KIAA1671: variants seen among roughly 807,000 people sequenced by gnomAD.
KIAA1671 encodes the protein KIAA1671, also known as uncharacterized protein KIAA1671.
KIAA1671 carries 52 observed loss-of-function variants against 131.2 expected under a neutral mutation model. That is an observed-to-expected ratio of 0.40 (90% CI 0.32 to 0.50). The LOEUF (loss-of-function observed/expected upper bound fraction) is 0.50. Ranked by LOEUF, KIAA1671 falls within the 20% of genes least tolerant of loss-of-function variation. KIAA1671 has a pLI of 0.73. For missense variants in KIAA1671, 2,360 were observed against 2,364.2 expected (o/e 1.00, Z 0.04); for synonymous variants, 1,003 against 961.6 (o/e 1.04, Z -0.80).
chr22:24,955,540 C>T (rs1425696040), intron 1 of KIAA1671, among the ~76,000 whole-genome samples: 1 of 152,148 alleles, frequency 6.6e-6, no homozygotes, highest in Non-Finnish European at 1.5e-5. Context: ...GGGGCCAGGC[C>T]AGCCATGCTT....
chr22:24,958,032 G>A (rs950550455), intron 1 of KIAA1671, among the ~76,000 whole-genome samples: 33 of 141,382 alleles, frequency 2.3e-4, no homozygotes, highest in African/African-American at 7.8e-4. Flanking sequence ...TGAGACCCTC[G>A]ACTTTACAGT....
chr22:25,025,589 TGCC>T (rs1925907001), intron 1 of KIAA1671, 41 bp from the exon 2 acceptor site: 1 of 152,264 alleles, frequency 6.6e-6, no homozygotes, highest in Non-Finnish European at 1.5e-5. Flanking sequence ...GTTCCCATAC[TGCC>T]AGAACTCCGG....
intron 10 of KIAA1671, among the ~76,000 whole-genome samples, chr22:25,182,561 T>C (rs1270833426): frequency 6.6e-6 from 1 of 152,220 alleles, no homozygotes; most frequent in Non-Finnish European, 1.5e-5. Context: ...GTATTTCACA[T>C]GACCATAGCA....
Position 25,028,433 on chromosome 22 carries a change from T to G in KIAA1671, c.434T>G (p.Ile145Ser). Reference protein sequence around the residue: ...VFLRPSSSTMILFETTKSGPA... With the variant: ...VFLRPSSSTMSLFETTKSGPA... ...CTGCGGCCCAGCTCCAGCACCATGA[T>G]TCTCTTCGAAACCACCAAAAGCGGC... Residue 145 changes from isoleucine (I) to serine (S), a missense_variant, in exon 3 of 13, where the codon ATT (isoleucine) becomes AGT (serine). Physicochemically the swap from Ile to Ser is moderately radical, Grantham distance 142. Around this residue, in one of 3 missense-constraint regions of KIAA1671, gnomAD observed 1,185 missense variants for 1,126.2 expected, o/e 1.05. Coordinates refer to ENST00000358431, the MANE Select transcript of KIAA1671 (RefSeq NM_001145206.2). 6.4e-7 allele frequency: 1 copy of G among 1,550,966 alleles called. No individual in the cohort carries two copies. The highest frequency in any genetic ancestry group is 8.7e-7 in the Non-Finnish European group (1 of 1,146,790).
In KIAA1671 at chr22:25,158,123, C is replaced by T. The variant is rs565049438; in HGVS notation, c.4531-12697C>T. 4.9e-4 allele frequency among the ~76,000 whole-genome samples: 75 copies of T among 152,302 alleles called. No individual in the cohort carries two copies. The South Asian group carries it at 0.015, about 31-fold the overall frequency. On this transcript the variant is annotated intron_variant, in intron 6 of 12. Coordinates refer to ENST00000358431, the MANE Select transcript of KIAA1671 (RefSeq NM_001145206.2). ...GGCGTGAGCCACCATGCCCAGCCCA[C>T]ATAGTGTTTTATAAAAAACAATTTG...
At chr22:25,002,909 A>T (rs1260152680) in intron 1 of KIAA1671, among the ~76,000 whole-genome samples, 2 of 152,000 alleles carry the variant, frequency 1.3e-5, no homozygotes, top group African/African-American at 4.8e-5. Context: ...CCTCCCAAGT[A>T]GTTGGGACTA....
intron 6 of KIAA1671, among the ~76,000 whole-genome samples, chr22:25,082,741 G>A (rs1317054704): frequency 6.6e-6 from 1 of 152,172 alleles, no homozygotes; most frequent in Non-Finnish European, 1.5e-5. Context: ...GGCTAGGCAG[G>A]AGGATCACTT....
intron 6 of KIAA1671, chr22:25,070,105 C>G (rs78025312): frequency 0.027 from 9,532 of 354,282 alleles, 415 homozygotes; most frequent in East Asian, 0.16. Flanking sequence ...AAGGATCCAC[C>G]CCTGGACCCG....
intron 1 of KIAA1671, among the ~76,000 whole-genome samples, chr22:24,978,564 T>A (rs2123825195): frequency 6.6e-6 from 1 of 152,312 alleles, no homozygotes; most frequent in South Asian, 2.1e-4. Context: ...GTCATAGAAC[T>A]AGGTTTTGAA....
chr22:25,074,496 CAAAAAAAAAAAA>C (rs759898395), intron 6 of KIAA1671, among the ~76,000 whole-genome samples: 1 of 64,162 alleles, frequency 1.6e-5, no homozygotes, highest in Non-Finnish European at 3.0e-5. Flanking sequence ...GGCTGTGTCT[CAAAAAAAAAAAA>C]AAAAAAAAAG....
chr22:25,053,700 G>A (rs1927672787), intron 6 of KIAA1671: 1 of 152,366 alleles, frequency 6.6e-6, no homozygotes, highest in Non-Finnish European at 1.5e-5. Flanking sequence ...GTCCAGTTAG[G>A]TGCAGGAAGT....
chr22:25,159,713 G>A (rs1022293027), intron 6 of KIAA1671, among the ~76,000 whole-genome samples: 17 of 152,256 alleles, frequency 1.1e-4, no homozygotes, highest in East Asian at 5.8e-4. Context: ...GAAAGGTTGA[G>A]TTGTTGTAGC....
intron 1 of KIAA1671, among the ~76,000 whole-genome samples, chr22:25,018,507 C>T (rs1925469441): frequency 6.6e-6 from 1 of 152,056 alleles, no homozygotes; most frequent in African/African-American, 2.4e-5. Flanking sequence ...CACCATCCAT[C>T]TCTAGAACTT....
Position 24,970,587 on chromosome 22 carries a change from G to A in KIAA1671, c.-208+17815G>A, listed in dbSNP as rs548244722. Among the ~76,000 whole-genome samples the A allele has an allele frequency of 8.4e-4, 128 of 152,180 alleles. 1 individual carries two copies. The highest frequency in any genetic ancestry group is 4.8e-3 in the South Asian group (23 of 4,802). Reference sequence around the variant, plus strand: ...GGCTCCTAGCACAGCCAGGCACATCGTCAGTGCCTCTTCCTCCTTCTCATC... The same window carrying A: ...GGCTCCTAGCACAGCCAGGCACATCATCAGTGCCTCTTCCTCCTTCTCATC... On this transcript the variant is annotated intron_variant, in intron 1 of 12. Coordinates refer to ENST00000358431, the MANE Select transcript of KIAA1671 (RefSeq NM_001145206.2).
Position 25,185,102 on chromosome 22 carries a change from C to T in KIAA1671, c.5325C>T (p.Ser1775=). Residue 1775 remains serine (S), a synonymous_variant, in exon 11 of 13, where the codon AGC becomes AGT. Transcript: ENST00000358431. ...GVLGSRVLPS[S]MDKDERSDEP... is the part of the protein sequence containing the mutation. ...TGGGCAGTCGCGTGCTGCCTTCCAG[C>T]ATGGACAAGGATGAGAGGTGAGGGG... 6.4e-7 allele frequency: 1 copy of T among 1,551,110 alleles called. No individual in the cohort carries two copies. Among genetic ancestry groups the T allele is most frequent in the Admixed American group, 2.0e-5 (1 of 50,960 alleles).
At chr22:25,187,707 C>T (rs532379891) in intron 11 of KIAA1671, among the ~76,000 whole-genome samples, 31 of 152,160 alleles carry the variant, frequency 2.0e-4, no homozygotes, top group African/African-American at 6.7e-4. Context: ...GACAAGATTT[C>T]GCCATGTTGC....
chr22:25,020,111 G>A (rs1014622448), intron 1 of KIAA1671, among the ~76,000 whole-genome samples: 1 of 152,184 alleles, frequency 6.6e-6, no homozygotes, highest in Non-Finnish European at 1.5e-5. Flanking sequence ...TTTGCCCGGG[G>A]TGAGGGGAAA....
intron 6 of KIAA1671, among the ~76,000 whole-genome samples, chr22:25,116,216 G>C (rs1931651231): frequency 6.6e-6 from 1 of 152,116 alleles, no homozygotes; most frequent in South Asian, 2.1e-4. Flanking sequence ...GGGACTACAG[G>C]CATGTGCCAC....
intron 6 of KIAA1671, among the ~76,000 whole-genome samples, chr22:25,158,881 T>C (rs1043508818): frequency 6.6e-6 from 1 of 152,240 alleles, no homozygotes; most frequent in Admixed American, 6.5e-5. Context: ...AGCTCACTTA[T>C]CTGTGAAATG....
Sources: gnomAD v4.1 joint callset for allele counts (sites outside exome capture counted in the v4.1 genomes callset) on GRCh38, gnomAD v4.1.1 for gene constraint, gnomAD v4.1.1 regional missense constraint, MANE v1.5 for transcripts, NCBI Gene and HGNC (gene_info 2026-07-23, HGNC 2026-07-21) for gene names.